PDGFRL: variants seen among roughly 807,000 people sequenced by gnomAD.
PDGFRL encodes the protein platelet-derived growth factor receptor-like protein.
A neutral mutation model predicts 37.2 loss-of-function variants in PDGFRL; 46 were observed. That is an observed-to-expected ratio of 1.24 (90% confidence interval 0.98 to 1.58). The LOEUF (loss-of-function observed/expected upper bound fraction) is 1.58. Among genes scored for constraint, PDGFRL ranks in the 40% most tolerant of loss-of-function variants. The pLI, the probability that PDGFRL is intolerant of heterozygous loss-of-function variation, is 0.00. For synonymous variants in PDGFRL, 251 were observed against 184.3 expected, an observed-to-expected ratio of 1.36 and a Z score of -2.93; for missense variants, 692 against 467.6, an observed-to-expected ratio of 1.48 and a Z score of -4.43.
intron 2 of PDGFRL, among the ~76,000 whole-genome samples, chr8:17,590,870 T>G (rs1360098297): frequency 1.1e-5 from 1 of 90,598 alleles, no homozygotes; most frequent in East Asian, 3.9e-4. Context: ...CTGCTTCTCA[T>G]TATTATTATT....
In PDGFRL at chr8:17,577,304, G is replaced by A. The variant is rs114432448; in HGVS notation, c.52G>A (p.Asp18Asn). ...GLLLVHEALE[D>N]VTGQHLPKNK... ...TCTGCTGGTGCACGAAGCGCTGGAG[G>A]ATGGTGAGTGACTCTGGGCGCGGGG... The change falls in exon 1 of 6, where the codon GAT becomes AAT. Residue 18 changes from aspartate (D) to asparagine (N), a missense_variant. Coordinates refer to ENST00000251630, the MANE Select transcript of PDGFRL (RefSeq NM_001372073.1). The A allele has an allele frequency of 2.1e-3, 3,322 of 1,612,458 alleles. 59 individuals carry two copies. The African/African-American group carries it at 0.037, about 18-fold the overall frequency.
Position 17,642,848 on chromosome 8 carries a change from C to A in PDGFRL, c.*47C>A. 1 of 1,260,660 alleles carries A rather than the reference C, an allele frequency of 7.9e-7. No individual in the cohort carries two copies. Among genetic ancestry groups the A allele is most frequent in the Non-Finnish European group, 1.1e-6 (1 of 869,798 alleles). The allele number at this position is 1,260,660 out of a possible 1,614,324, so 78.1% of individuals were successfully genotyped here. A position where few individuals can be genotyped will look rare whatever the true frequency, so the allele number is the denominator to read the frequency against. On this transcript the variant is annotated 3_prime_UTR_variant, in exon 6 of 6. Coordinates refer to ENST00000251630, the MANE Select transcript of PDGFRL (RefSeq NM_001372073.1). The stretch of plus-strand genomic sequence containing the variant: ...AACTTATGGAAAGCCCATTTGTGTA[C>A]ACAGTCAGCTTTGGGGTTCCTTTTA...
At chr8:17,577,633 G>C (rs1803615694) in intron 1 of PDGFRL, among the ~76,000 whole-genome samples, 1 of 151,450 alleles carries the variant, frequency 6.6e-6, no homozygotes, top group Non-Finnish European at 1.5e-5. Context: ...CAACGTGTCG[G>C]TCTGGGAGGT....
intron 2 of PDGFRL, among the ~76,000 whole-genome samples, chr8:17,590,537 C>A (rs1434812600): frequency 1.3e-5 from 2 of 151,862 alleles, no homozygotes; most frequent in African/African-American, 2.4e-5. Flanking sequence ...CATGGTGAAA[C>A]CCCGTCTCTA....
intron 2 of PDGFRL, among the ~76,000 whole-genome samples, chr8:17,591,748 C>G (rs1490147121): frequency 6.6e-6 from 1 of 152,116 alleles, no homozygotes; most frequent in Non-Finnish European, 1.5e-5. Flanking sequence ...GAAACCCCAT[C>G]TCTACTAACA....
At chr8:17,605,093 G>T (rs570270617) in intron 2 of PDGFRL, among the ~76,000 whole-genome samples, 1 of 152,140 alleles carries the variant, frequency 6.6e-6, no homozygotes, top group Admixed American at 6.5e-5. Context: ...CTCCAGCTTG[G>T]GCAACAGAGT....
intron 2 of PDGFRL, among the ~76,000 whole-genome samples, chr8:17,602,038 A>G (rs956747259): frequency 6.6e-6 from 1 of 152,142 alleles, no homozygotes; most frequent in Non-Finnish European, 1.5e-5. Context: ...GAAATATCCA[A>G]ACTGCTTTGC....
At chr8:17,588,697 C>T (rs911617559) in intron 1 of PDGFRL, among the ~76,000 whole-genome samples, 12 of 151,988 alleles carry the variant, frequency 7.9e-5, no homozygotes, top group African/African-American at 2.7e-4. Flanking sequence ...AAATATTTTG[C>T]GTGCACTTTC....
chr8:17,577,777 C>T (rs2588166), intron 1 of PDGFRL, among the ~76,000 whole-genome samples: 17,929 of 151,286 alleles, frequency 0.12, 1,170 homozygotes, highest in East Asian at 0.22. Flanking sequence ...CCTCCCCTCG[C>T]AGTTCTGGGC....
At chr8:17,605,936 T>G (rs1017289153) in intron 2 of PDGFRL, among the ~76,000 whole-genome samples, 9 of 152,166 alleles carry the variant, frequency 5.9e-5, no homozygotes, top group African/African-American at 1.4e-4. Context: ...TGGCCACGGT[T>G]GGCAACAGCT....
chr8:17,636,517 TA>T (rs1804972536), intron 5 of PDGFRL, among the ~76,000 whole-genome samples: 1 of 152,116 alleles, frequency 6.6e-6, no homozygotes, highest in Non-Finnish European at 1.5e-5. Flanking sequence ...ACTATGGCCT[TA>T]TAGTATAGTT....
intron 3 of PDGFRL, among the ~76,000 whole-genome samples, chr8:17,621,684 G>C (rs1804638040): frequency 6.6e-6 from 1 of 152,210 alleles, no homozygotes; most frequent in Non-Finnish European, 1.5e-5. Flanking sequence ...AGACAGCACA[G>C]AGAGAGAACA....
rs151128322 is a variant in PDGFRL, at chr8:17,589,255, G to C, written c.56-213G>C. On this transcript the variant is annotated intron_variant, in intron 1 of 5. Transcript: ENST00000251630. The stretch of plus-strand genomic sequence containing the variant: ...ACAAAAATGAGTTGGGTGTGGCGGC[G>C]GGCACCTGTAATCTCAGCTACTCAG... Among the ~76,000 whole-genome samples the C allele has an allele frequency of 2.3e-3, 351 of 151,950 alleles. 1 individual carries two copies. Among genetic ancestry groups the C allele is most frequent in the Middle Eastern group, 0.02 (6 of 294 alleles).
At chr8:17,630,436 G>T (rs186764305) in intron 4 of PDGFRL, among the ~76,000 whole-genome samples, 1 of 152,176 alleles carries the variant, frequency 6.6e-6, no homozygotes, top group Admixed American at 6.5e-5. Context: ...AGATCTGTTG[G>T]TCATGTCGAG....
At chr8:17,629,792 G>A (rs1466566651) in intron 4 of PDGFRL, among the ~76,000 whole-genome samples, 1 of 152,036 alleles carries the variant, frequency 6.6e-6, no homozygotes, top group Non-Finnish European at 1.5e-5. Context: ...CAACCACCGG[G>A]GCTGACCCCA....
At chr8:17,596,969 G>A (rs1804066619) in intron 2 of PDGFRL, among the ~76,000 whole-genome samples, 4 of 152,106 alleles carry the variant, frequency 2.6e-5, no homozygotes, top group Admixed American at 2.0e-4. Flanking sequence ...TGACAGTGTT[G>A]GGTTTGGAAG....
At chr8:17,613,993 T>C (rs1804473380) in intron 2 of PDGFRL, among the ~76,000 whole-genome samples, 1 of 152,228 alleles carries the variant, frequency 6.6e-6, no homozygotes, top group Non-Finnish European at 1.5e-5. Flanking sequence ...TTGTATCACA[T>C]TGCAAGGATT....
chr8:17,643,053 A>C lies in PDGFRL; in HGVS notation c.*252A>C, dbSNP rs1805185902. 2.6e-6 allele frequency: 1 copy of C among 385,008 alleles called. No individual in the cohort carries two copies. The highest frequency in any genetic ancestry group is 4.6e-6 in the Non-Finnish European group (1 of 218,176). 23.8% of individuals were successfully genotyped at this position (385,008 alleles called of 1,614,324 possible). ...ACATACGTGTTCCTAGTTTTTATACATGTGTAAACAATTTTATATAATCAA... is the reference window on the plus strand; with the variant it reads ...ACATACGTGTTCCTAGTTTTTATACCTGTGTAAACAATTTTATATAATCAA... On this transcript the variant is annotated 3_prime_UTR_variant, in exon 6 of 6. Coordinates refer to ENST00000251630, the MANE Select transcript of PDGFRL (RefSeq NM_001372073.1).
At chr8:17,616,761 T>C (rs1585322099) in intron 2 of PDGFRL, among the ~76,000 whole-genome samples, 1 of 152,128 alleles carries the variant, frequency 6.6e-6, no homozygotes, top group Non-Finnish European at 1.5e-5. Context: ...CTAGACATCA[T>C]TGCATCCCTC....
Sources: allele counts gnomAD v4.1 joint callset (sites outside exome capture counted in the v4.1 genomes callset), GRCh38; gene constraint gnomAD v4.1.1; transcripts MANE v1.5; gene names NCBI Gene and HGNC (gene_info 2026-07-23, HGNC 2026-07-21).